The following PPP1R15B variants were observed in gnomAD, a reference collection of about 807,000 sequenced individuals.
PPP1R15B encodes the protein protein phosphatase 1, regulatory (inhibitor) subunit 15B.
Under a neutral mutation model 53.9 loss-of-function variants are expected in PPP1R15B, and 31 were observed. The observed-to-expected ratio is 0.58, with a 90% CI of 0.43 to 0.78. The LOEUF (loss-of-function observed/expected upper bound fraction) is 0.78. PPP1R15B is among the 30% of genes least tolerant of loss of function. The pLI is 0.00. For missense variants in PPP1R15B, 928 were observed against 849.6 expected, an observed-to-expected ratio of 1.09 and a Z score of -1.15; for synonymous variants, 345 against 329.1, an observed-to-expected ratio of 1.05 and a Z score of -0.52.
Position 204,403,413 on chromosome 1 carries a change from C to A in PPP1R15B, c.*2679G>T, listed in dbSNP as rs994544224. ...TTAATAATTGCAAATATATTTATTA[C>A]AATTTACAGATTAGTTATGTTATAT... is the stretch of plus-strand genomic sequence containing the variant. On this transcript the variant is annotated 3_prime_UTR_variant, in exon 2 of 2. Transcript: ENST00000367188. 4 of 727,906 alleles carry A rather than the reference C, an allele frequency of 5.5e-6. No homozygotes were observed. The highest frequency in any genetic ancestry group is 1.3e-4 in the Admixed American group (2 of 15,938). 45.1% of individuals were successfully genotyped at this position (727,906 alleles called of 1,614,324 possible).
chr1:204,395,960 T>G (rs1365301377), downstream of PPP1R15B, among the ~76,000 whole-genome samples: 1 of 152,192 alleles, frequency 6.6e-6, no homozygotes, highest in Non-Finnish European at 1.5e-5. Flanking sequence ...ACTCATTGAA[T>G]TCATACTTAA....
rs1674344590 is a variant in PPP1R15B, at chr1:204,410,335, T to C, written c.1077A>G (p.Glu359=). 1 of 1,614,212 alleles carries C rather than the reference T, an allele frequency of 6.2e-7. No individual in the cohort carries two copies. The highest frequency in any genetic ancestry group is 8.5e-7 in the Non-Finnish European group (1 of 1,180,032). The change falls in exon 1 of 2, where the codon GAA becomes GAG. Residue 359 remains glutamate (E), a synonymous_variant. Coordinates refer to ENST00000367188, the MANE Select transcript of PPP1R15B (RefSeq NM_032833.5). ...ATAATTCTATTTTTTCTTCAGTGGATTCCTGGGTGTTTCCAGGAATGTCTC... is the reference window on the plus strand; with the variant it reads ...ATAATTCTATTTTTTCTTCAGTGGACTCCTGGGTGTTTCCAGGAATGTCTC... The part of the protein sequence containing the change: ...AAGDIPGNTQ[E]STEEKIELLT...
chr1:204,399,478 G>A (rs767006699), downstream of PPP1R15B, among the ~76,000 whole-genome samples: 10 of 151,916 alleles, frequency 6.6e-5, no homozygotes, highest in Non-Finnish European at 1.0e-4. Flanking sequence ...GAGAATCGCT[G>A]GAGCCTGGGA....
At position 204,403,989 on chromosome 1, in the gene PPP1R15B, C is replaced by T; in HGVS notation, c.*2103G>A. On this transcript the variant is annotated 3_prime_UTR_variant, in exon 2 of 2. Coordinates refer to ENST00000367188, the MANE Select transcript of PPP1R15B (RefSeq NM_032833.5). The stretch of plus-strand genomic sequence containing the variant: ...AAAGATGTCTCATTATTTTCAAATA[C>T]ACAGAGGTGCTAGGTTTAAGAAACA... 2.0e-6 allele frequency: 2 copies of T among 985,354 alleles called. No individual in the cohort carries two copies. Among genetic ancestry groups the T allele is most frequent in the South Asian group, 9.4e-5 (2 of 21,294 alleles). The allele number at this position is 985,354 out of a possible 1,614,324, so 61.0% of individuals were successfully genotyped here. A position where few individuals can be genotyped will look rare whatever the true frequency, so the allele number is the denominator to read the frequency against.
In PPP1R15B at chr1:204,410,355, T is replaced by C; in HGVS notation, c.1057A>G (p.Ile353Val). 6.2e-7 allele frequency: 1 copy of C among 1,614,226 alleles called. No individual in the cohort carries two copies. Reference sequence around the variant, plus strand: ...GTGGATTCCTGGGTGTTTCCAGGAATGTCTCCAGCAGCAGGAACAAACTGT... The same window carrying C: ...GTGGATTCCTGGGTGTTTCCAGGAACGTCTCCAGCAGCAGGAACAAACTGT... ...PTQFVPAAGDIPGNTQESTEE... is the reference protein window; with the variant it reads ...PTQFVPAAGDVPGNTQESTEE... The change falls in exon 1 of 2, where the codon ATT (isoleucine) becomes GTT (valine). Residue 353 changes from isoleucine (I) to valine (V), a missense_variant. Coordinates refer to ENST00000367188, the MANE Select transcript of PPP1R15B (RefSeq NM_032833.5).
Position 204,409,679 on chromosome 1 carries a change from G to A in PPP1R15B, c.1733C>T (p.Ser578Leu), listed in dbSNP as rs1307686249. 1 of 1,613,948 alleles carries A rather than the reference G, an allele frequency of 6.2e-7. No individual in the cohort carries two copies. Among genetic ancestry groups the A allele is most frequent in the African/African-American group, 1.3e-5 (1 of 74,860 alleles). Residue 578 changes from serine to leucine, a missense_variant, in exon 1 of 2, where the codon TCA becomes TTA. Transcript: ENST00000367188. ...ACGACAGCCTTTCTCATTTTCCCCTGATGTTTGAAAAGGAGCCTTAAAATT... is the reference window on the plus strand; with the variant it reads ...ACGACAGCCTTTCTCATTTTCCCCTAATGTTTGAAAAGGAGCCTTAAAATT... ...PLNFKAPFQT[S>L]GENEKGCRDS...
chr1:204,411,402 C>G lies in PPP1R15B; in HGVS notation c.10G>C (p.Gly4Arg). 6.2e-7 allele frequency: 1 copy of G among 1,611,876 alleles called. No individual in the cohort carries two copies. Among genetic ancestry groups the G allele is most frequent in the East Asian group, 2.2e-5 (1 of 44,886 alleles). MEP[G>R]TGGSRKRLGP... ...AGCCGTTTCCGCGATCCGCCTGTCC[C>G]CGGCTCCATCTCCTTTTTCTTGACA... The change falls in exon 1 of 2, where the codon GGG (glycine) becomes CGG (arginine). Residue 4 changes from glycine to arginine, a missense_variant. By Grantham distance (125) the Gly-to-Arg change is moderately radical. Coordinates refer to ENST00000367188, the MANE Select transcript of PPP1R15B (RefSeq NM_032833.5).
chr1:204,411,000 T>C lies in PPP1R15B; in HGVS notation c.412A>G (p.Ser138Gly). 6.2e-7 allele frequency: 1 copy of C among 1,614,160 alleles called. No homozygotes were observed. Among genetic ancestry groups the C allele is most frequent in the Non-Finnish European group, 8.5e-7 (1 of 1,180,016 alleles). Residue 138 changes from serine to glycine, a missense_variant, in exon 1 of 2, where the codon AGT (serine) becomes GGT (glycine). Coordinates refer to ENST00000367188, the MANE Select transcript of PPP1R15B (RefSeq NM_032833.5). ...CCCTCCTCTAGCCAATCAAGGGGACTGGTGACCGAGGGGTCTGAGGAGTCG... is the reference window on the plus strand; with the variant it reads ...CCCTCCTCTAGCCAATCAAGGGGACCGGTGACCGAGGGGTCTGAGGAGTCG... Reference protein sequence around the residue: ...QLDSSDPSVTSPLDWLEEGIH... With the variant: ...QLDSSDPSVTGPLDWLEEGIH...
Position 204,411,110 on chromosome 1 carries a change from C to T in PPP1R15B, c.302G>A (p.Gly101Glu). The T allele has an allele frequency of 1.2e-6, 2 of 1,614,212 alleles. No individual in the cohort carries two copies. The highest frequency in any genetic ancestry group is 1.3e-5 in the African/African-American group (1 of 75,064). The stretch of plus-strand genomic sequence containing the variant: ...CAGGGCTCTCAGGGCGCTGTAGACT[C>T]CAGCAAAATCTAGCCATCTGGTCGG... ...MFPTRWLDFA[G>E]VYSALRALKG... is the part of the protein sequence containing the mutation. The change falls in exon 1 of 2, where the codon GGA becomes GAA. Residue 101 changes from glycine to glutamate, a missense_variant. Physicochemically the swap from Gly to Glu is moderately conservative, Grantham distance 98. Transcript: ENST00000367188.
In PPP1R15B at chr1:204,404,193, T is replaced by C. The variant is rs911861393; in HGVS notation, c.*1899A>G. ...GACCATCCTGTAAATGTGCTCCCTA[T>C]GATTACCTAAAGTGGAGGTGCACAA... On this transcript the variant is annotated 3_prime_UTR_variant, in exon 2 of 2. Transcript: ENST00000367188. 3 of 985,282 alleles carry C rather than the reference T, an allele frequency of 3.0e-6. No homozygotes were observed. The African/African-American group carries it at 5.2e-5, about 17-fold the overall frequency. 61.0% of individuals were successfully genotyped at this position (985,282 alleles called of 1,614,324 possible). A position where few individuals can be genotyped will look rare whatever the true frequency, so the allele number is the denominator to read the frequency against.
chr1:204,404,345 C>T lies in PPP1R15B; in HGVS notation c.*1747G>A, dbSNP rs1674227964. The T allele has an allele frequency of 1.8e-6, 1 of 542,040 alleles. No individual in the cohort carries two copies. The highest frequency in any genetic ancestry group is 1.5e-4 in the East Asian group (1 of 6,830). The allele number at this position is 542,040 out of a possible 1,614,324, so 33.6% of individuals were successfully genotyped here. A position where few individuals can be genotyped will look rare whatever the true frequency, so the allele number is the denominator to read the frequency against. The stretch of plus-strand genomic sequence containing the variant: ...AAAAAGACACAAAAAATTAGCCGGG[C>T]GTGGTGGTGTGTGCCTGTAATCCCA... On this transcript the variant is annotated 3_prime_UTR_variant, in exon 2 of 2. Transcript: ENST00000367188.
At chr1:204,406,434 A>G (rs1674265874) in intron 1 of PPP1R15B, 121 bp from the exon 2 acceptor site, 1 of 1,290,784 alleles carries the variant, frequency 7.7e-7, no homozygotes, top group Admixed American at 2.8e-5. Flanking sequence ...ACATATTATT[A>G]TTAGGAATAT....
At position 204,410,318 on chromosome 1, in the gene PPP1R15B, A is replaced by AT; in HGVS notation, c.1093dup (p.Ile365AsnfsTer19). ...TGGAACCTCTGTAGTTAATAATTCT[A>AT]TTTTTTCTTCAGTGGATTCCTGGGT... On this transcript the variant is annotated frameshift_variant, in exon 1 of 2. Transcript: ENST00000367188. LOFTEE classifies it high-confidence loss of function. 1 of 1,613,960 alleles carries AT rather than the reference A, an allele frequency of 6.2e-7. No homozygotes were observed. Among genetic ancestry groups the AT allele is most frequent in the Non-Finnish European group, 8.5e-7 (1 of 1,179,986 alleles).
At chr1:204,407,579 T>C (rs916753906) in intron 1 of PPP1R15B, among the ~76,000 whole-genome samples, 1 of 152,206 alleles carries the variant, frequency 6.6e-6, no homozygotes, top group Non-Finnish European at 1.5e-5. Context: ...CTGAGGACAA[T>C]TAGCAGGTAT....
In PPP1R15B at chr1:204,409,951, A is replaced by G. The variant is rs764864026; in HGVS notation, c.1461T>C (p.Tyr487=). 9 of 1,613,700 alleles carry G rather than the reference A, an allele frequency of 5.6e-6. No homozygotes were observed. The highest frequency in any genetic ancestry group is 7.6e-6 in the Non-Finnish European group (9 of 1,179,900). The stretch of plus-strand genomic sequence containing the variant: ...TTGTTGCTGTAAAGTTCTGGGGATT[A>G]TAAGGATCTACACTGCAGAAAGAGT... ...LWNSFCSVDP[Y]NPQNFTATIQ... is the part of the protein sequence containing the mutation. Residue 487 remains tyrosine (Y), a synonymous_variant, in exon 1 of 2, where the codon TAT becomes TAC. Transcript: ENST00000367188.
downstream of PPP1R15B, among the ~76,000 whole-genome samples, chr1:204,402,046 T>C (rs562402876): frequency 6.6e-6 from 1 of 152,368 alleles, no homozygotes; most frequent in African/African-American, 2.4e-5. Flanking sequence ...GCAATAAATC[T>C]GGCTTAATGT....
chr1:204,411,788 G>T lies in PPP1R15B; in HGVS notation c.-377C>A, dbSNP rs532169180. Reference sequence around the variant, plus strand: ...CGATACCGGAAGGACTGGGTAGGCCGGCTGGTGCGGTGGAAGCGAAGCCCA... The same window carrying T: ...CGATACCGGAAGGACTGGGTAGGCCTGCTGGTGCGGTGGAAGCGAAGCCCA... On this transcript the variant is annotated 5_prime_UTR_variant, in exon 1 of 2. Transcript: ENST00000367188. 8.4e-6 allele frequency: 2 copies of T among 238,504 alleles called. No homozygotes were observed. The highest frequency in any genetic ancestry group is 1.3e-4 in the South Asian group (2 of 15,982). 14.8% of individuals were successfully genotyped at this position (238,504 alleles called of 1,614,324 possible). A position where few individuals can be genotyped will look rare whatever the true frequency, so the allele number is the denominator to read the frequency against.
rs1558216972 is a variant in PPP1R15B at position 204,410,492 on chromosome 1, G to A, written c.920C>T (p.Ala307Val). ...RMKRLEFLQQ[A>V]SKGQDLPTPD... ...GGTGGGTAAATCTTGCCCCTTGCTA[G>A]CCTGTTGAAGGAATTCCAGCCGTTT... is the stretch of plus-strand genomic sequence containing the variant. Residue 307 changes from alanine to valine, a missense_variant, in exon 1 of 2, where the codon GCT becomes GTT. Transcript: ENST00000367188. The A allele has an allele frequency of 1.2e-6, 2 of 1,614,184 alleles. No individual in the cohort carries two copies. Among genetic ancestry groups the A allele is most frequent in the Non-Finnish European group, 1.7e-6 (2 of 1,180,018 alleles).
At chr1:204,407,377 T>C (rs1169088100) in intron 1 of PPP1R15B, among the ~76,000 whole-genome samples, 1 of 151,952 alleles carries the variant, frequency 6.6e-6, no homozygotes, top group Non-Finnish European at 1.5e-5. Context: ...GATTCTAATA[T>C]ACATAATGAC....
Sources: gnomAD v4.1 joint callset for allele counts (sites outside exome capture counted in the v4.1 genomes callset) on GRCh38, gnomAD v4.1.1 for gene constraint, MANE v1.5 for transcripts, NCBI Gene and HGNC (gene_info 2026-07-23, HGNC 2026-07-21) for gene names.